TUBA4B: variants seen among roughly 807,000 people sequenced by gnomAD.
The protein encoded by TUBA4B is tubulin alpha 4b.
In TUBA4B, 13 loss-of-function variants were observed where a neutral mutation model predicts 18.4. That is an observed-to-expected ratio of 0.71 (90% confidence interval 0.46 to 1.12). The LOEUF (loss-of-function observed/expected upper bound fraction) is 1.12, where lower values mean the gene tolerates loss of function less well. TUBA4B is among the 50% of genes most tolerant of loss of function. TUBA4B has a pLI of 0.00. For missense variants in TUBA4B, 244 were observed against 250.0 expected (o/e 0.98, Z 0.16); for synonymous variants, 101 against 99.1 (o/e 1.02, Z -0.11).
chr2:219,258,765 AG>A (rs905476642), intron 1 of TUBA4B, among the ~76,000 whole-genome samples: 2 of 152,204 alleles, frequency 1.3e-5, no homozygotes, highest in Non-Finnish European at 2.9e-5. Flanking sequence ...GGTATGTGGA[AG>A]CTACCATCTT....
intron 2 of TUBA4B, 144 bp from the exon 3 acceptor site, chr2:219,270,058 C>A: frequency 1.6e-6 from 1 of 616,004 alleles, no homozygotes; most frequent in Non-Finnish European, 2.9e-6. Flanking sequence ...ACAAACACAT[C>A]CAAGCAGGTA....
chr2:219,256,383 A>T (rs1231541532), intron 1 of TUBA4B, among the ~76,000 whole-genome samples: 2 of 152,206 alleles, frequency 1.3e-5, no homozygotes. Context: ...GGAGGTAAGG[A>T]CTGTGTCTTA....
intron 1 of TUBA4B, 71 bp from the exon 2 acceptor site, chr2:219,266,450 C>G: frequency 1.5e-6 from 1 of 665,986 alleles, no homozygotes; most frequent in Non-Finnish European, 2.7e-6. Context: ...AGCCACCCAG[C>G]GAGTATAAGG....
intron 1 of TUBA4B, among the ~76,000 whole-genome samples, chr2:219,263,672 G>A (rs547146312): frequency 5.9e-5 from 9 of 152,132 alleles, no homozygotes; most frequent in Admixed American, 1.3e-4. Flanking sequence ...TGGTTTCATG[G>A]GCCAACCCAG....
chr2:219,271,731 C>T lies in TUBA4B; in HGVS notation c.*32C>T, dbSNP rs1350364177. The T allele has an allele frequency of 6.8e-6, 11 of 1,611,776 alleles. No individual in the cohort carries two copies. Among genetic ancestry groups the T allele is most frequent in the Non-Finnish European group, 9.3e-6 (11 of 1,177,924 alleles). On this transcript the variant is annotated 3_prime_UTR_variant, in exon 4 of 4. Transcript: ENST00000490341. ...ATCCCCGGCACGGCAAGTACATGGCCTGCTGCCTGCTATACCATGGAGATG... is the reference window on the plus strand; with the variant it reads ...ATCCCCGGCACGGCAAGTACATGGCTTGCTGCCTGCTATACCATGGAGATG...
At chr2:219,254,171 C>T in intron 1 of TUBA4B, 1 of 310,550 alleles carries the variant, frequency 3.2e-6, no homozygotes, top group Non-Finnish European at 5.9e-6. Flanking sequence ...CGCTGGGCTC[C>T]CGAGGGCCTC....
intron 1 of TUBA4B, among the ~76,000 whole-genome samples, chr2:219,264,964 GAC>G (rs1951781568): frequency 6.6e-6 from 1 of 152,160 alleles, no homozygotes; most frequent in African/African-American, 2.4e-5. Flanking sequence ...GGTGAGTGCA[GAC>G]ACAGAGCTGG....
intron 1 of TUBA4B, among the ~76,000 whole-genome samples, chr2:219,260,968 T>TA (rs1008619744): frequency 2.6e-5 from 4 of 151,748 alleles, no homozygotes; most frequent in African/African-American, 7.3e-5. Flanking sequence ...AGACTTCATC[T>TA]AAAAAAATAA....
Position 219,272,128 on chromosome 2 carries a change from T to C in TUBA4B, c.*429T>C, listed in dbSNP as rs1951832043. 1.0e-5 allele frequency: 7 copies of C among 671,062 alleles called. No individual in the cohort carries two copies. Among genetic ancestry groups the C allele is most frequent in the East Asian group, 5.5e-5 (1 of 18,334 alleles). The allele number at this position is 671,062 out of a possible 1,614,324, so 41.6% of individuals were successfully genotyped here. A position where few individuals can be genotyped will look rare whatever the true frequency, so the allele number is the denominator to read the frequency against. On this transcript the variant is annotated 3_prime_UTR_variant, in exon 4 of 4. Transcript: ENST00000490341. ...AGTGTGGAGTGGGGGGAAGAAAAGA[T>C]AGGGGGGATGAATACTAGGGGAATA...
chr2:219,270,388 GT>G (rs1373927285), intron 3 of TUBA4B, 53 bp downstream of exon 3: 1 of 701,546 alleles, frequency 1.4e-6, no homozygotes, highest in East Asian at 2.7e-5. Flanking sequence ...GATTCCTGTT[GT>G]GAGGTAGTCT....
Position 219,272,121 on chromosome 2 carries a change from G to T in TUBA4B, c.*422G>T. The T allele has an allele frequency of 1.4e-6, 1 of 730,718 alleles. No homozygotes were observed. Among genetic ancestry groups the T allele is most frequent in the Non-Finnish European group, 2.3e-6 (1 of 430,178 alleles). The allele number at this position is 730,718 out of a possible 1,614,324, so 45.3% of individuals were successfully genotyped here. Reference sequence around the variant, plus strand: ...CATGGATAGTGTGGAGTGGGGGGAAGAAAAGATAGGGGGGATGAATACTAG... The same window carrying T: ...CATGGATAGTGTGGAGTGGGGGGAATAAAAGATAGGGGGGATGAATACTAG... On this transcript the variant is annotated 3_prime_UTR_variant, in exon 4 of 4. Transcript: ENST00000490341.
At chr2:219,264,615 G>A (rs1430328003) in intron 1 of TUBA4B, among the ~76,000 whole-genome samples, 5 of 152,104 alleles carry the variant, frequency 3.3e-5, no homozygotes, top group Non-Finnish European at 7.4e-5. Flanking sequence ...TAAGGGATCC[G>A]GCTACTCAGT....
chr2:219,253,498 G>C, intron 1 of TUBA4B, 79 bp downstream of exon 1: 1 of 1,208,256 alleles, frequency 8.3e-7, no homozygotes, highest in Admixed American at 2.0e-5. Context: ...GGATGTAAGA[G>C]GGCAGCCAAA....
intron 1 of TUBA4B, chr2:219,253,872 G>A: frequency 6.9e-7 from 1 of 1,457,198 alleles, no homozygotes; most frequent in Non-Finnish European, 9.0e-7. Flanking sequence ...GAGTCCGGGC[G>A]GTGCGTCTCA....
chr2:219,263,011 A>G (rs1204512017), intron 1 of TUBA4B, among the ~76,000 whole-genome samples: 5 of 152,016 alleles, frequency 3.3e-5, no homozygotes, highest in Non-Finnish European at 1.5e-5. Context: ...ACTGCACCCC[A>G]GCCTGGGCAA....
intron 1 of TUBA4B, chr2:219,254,069 C>T: frequency 2.2e-6 from 1 of 453,254 alleles, no homozygotes; most frequent in Non-Finnish European, 4.0e-6. Context: ...CTGGTACCCT[C>T]CCCAAGCTGC....
chr2:219,258,491 T>G (rs1951738643), intron 1 of TUBA4B, among the ~76,000 whole-genome samples: 1 of 151,426 alleles, frequency 6.6e-6, no homozygotes, highest in Non-Finnish European at 1.5e-5. Context: ...TGGCTAGTTT[T>G]TTTTTTTTTT....
intron 1 of TUBA4B, chr2:219,253,718 A>T (rs1173715573): frequency 9.6e-7 from 1 of 1,045,170 alleles, no homozygotes; most frequent in African/African-American, 1.6e-5. Context: ...GGGGTTGGGG[A>T]GGGAGGATGC....
chr2:219,271,530 CCCT>C lies in TUBA4B; in HGVS notation c.559_561del (p.Leu187del). The C allele has an allele frequency of 6.2e-7, 1 of 1,614,208 alleles. No homozygotes were observed. On this transcript the variant is annotated inframe_deletion, in exon 4 of 4. Coordinates refer to ENST00000490341, the MANE Select transcript of TUBA4B (RefSeq NM_001355221.1). ...ACAGCTTCTCTGCGCTTTGACGGGG[CCCT>C]CAATGTGGACCTGACAGAGTTCCAG...
Sources: allele counts gnomAD v4.1 joint callset (sites outside exome capture counted in the v4.1 genomes callset), GRCh38; gene constraint gnomAD v4.1.1; transcripts MANE v1.5; gene names NCBI Gene and HGNC (gene_info 2026-07-23, HGNC 2026-07-21).